Variants in PTPN12 observed in about 807,000 individuals in gnomAD.
PTPN12 encodes protein tyrosine phosphatase non-receptor type 12, also known as tyrosine-protein phosphatase non-receptor type 12.
A neutral mutation model predicts 97.6 loss-of-function variants in PTPN12; 29 were observed. That is an observed-to-expected ratio of 0.30 (90% CI 0.22 to 0.41). The LOEUF (loss-of-function observed/expected upper bound fraction) is 0.41, where lower values mean the gene tolerates loss of function less well. Ranked by LOEUF, PTPN12 falls within the 10% of genes least tolerant of loss-of-function variation. PTPN12 has a pLI of 1.00. For missense variants in PTPN12, 819 were observed against 926.0 expected (o/e 0.88, Z 1.50); for synonymous variants, 327 against 300.4 (o/e 1.09, Z -0.91).
chr7:77,561,074 T>C (rs1807975565), intron 1 of PTPN12, among the ~76,000 whole-genome samples: 1 of 152,136 alleles, frequency 6.6e-6, no homozygotes, highest in Non-Finnish European at 1.5e-5. Context: ...CTGGCTTGTT[T>C]TGTTTTGTTT....
chr7:77,603,317 C>T (rs572858709), intron 8 of PTPN12, among the ~76,000 whole-genome samples: 40 of 152,190 alleles, frequency 2.6e-4, no homozygotes, highest in Non-Finnish European at 3.7e-4. Flanking sequence ...CTAAATTGAC[C>T]GTTAAATATT....
intron 12 of PTPN12, among the ~76,000 whole-genome samples, chr7:77,624,312 G>A (rs1272823091): frequency 6.6e-6 from 1 of 151,936 alleles, no homozygotes; most frequent in East Asian, 1.9e-4. Context: ...ACAGATATAG[G>A]AATATCTTAT....
Position 77,639,898 on chromosome 7 carries a change from T to C in PTPN12, c.*618T>C, listed in dbSNP as rs986363836. On this transcript the variant is annotated 3_prime_UTR_variant, in exon 18 of 18. Coordinates refer to ENST00000248594, the MANE Select transcript of PTPN12 (RefSeq NM_002835.4). ...TCTAATTGTTCATCCTAATTGTTCC[T>C]GTTTTCATCTAGTCAGAGATTCAGT... 11 of 152,682 alleles carry C rather than the reference T, an allele frequency of 7.2e-5. No homozygotes were observed. Among genetic ancestry groups the C allele is most frequent in the African/African-American group, 2.4e-4 (10 of 41,464 alleles). 9.5% of individuals were successfully genotyped at this position (152,682 alleles called of 1,614,324 possible). A position where few individuals can be genotyped will look rare whatever the true frequency, so the allele number is the denominator to read the frequency against.
chr7:77,561,014 CAGAGCACAAG>C (rs1419912930), intron 1 of PTPN12, among the ~76,000 whole-genome samples: 2 of 152,202 alleles, frequency 1.3e-5, no homozygotes, highest in African/African-American at 4.8e-5. Context: ...CATTTCACAA[CAGAGCACAAG>C]GGTTCCAGTT....
At chr7:77,586,234 G>T (rs188440621) in intron 5 of PTPN12, among the ~76,000 whole-genome samples, 270 of 152,256 alleles carry the variant, frequency 1.8e-3, no homozygotes, top group Non-Finnish European at 2.5e-3. Flanking sequence ...GATTATAGAC[G>T]TGAGCCACTG....
At chr7:77,550,965 C>A (rs1011176768) in intron 1 of PTPN12, among the ~76,000 whole-genome samples, 2 of 152,208 alleles carry the variant, frequency 1.3e-5, no homozygotes, top group Admixed American at 6.5e-5. Context: ...TCTTCAGGAT[C>A]ATACTGGTAA....
rs1268417309 is a variant in PTPN12, at chr7:77,625,506, TCTCTCTCTCTCTCTCTCACTCTCA to T, written c.1026-1193_1026-1170del. Among the ~76,000 whole-genome samples, 313 of 109,062 alleles carry T rather than the reference TCTCTCTCTCTCTCTCTCACTCTCA, an allele frequency of 2.9e-3. 11 individuals carry two copies. Among genetic ancestry groups the T allele is most frequent in the Admixed American group, 4.5e-3 (46 of 10,118 alleles). 71.5% of individuals were successfully genotyped at this position (109,062 alleles called of 152,430 possible). A position where few individuals can be genotyped will look rare whatever the true frequency, so the allele number is the denominator to read the frequency against. On this transcript the variant is annotated intron_variant, in intron 12 of 17. Transcript: ENST00000248594. ...CTCTCTCTCTCTCTCTCTCTCTCTC[TCTCTCTCTCTCTCTCTCACTCTCA>T]CTCTCACTCGCGCTCTCTCTCTCGC...
intron 1 of PTPN12, among the ~76,000 whole-genome samples, chr7:77,548,220 T>C (rs935970266): frequency 6.6e-6 from 1 of 152,196 alleles, no homozygotes; most frequent in African/African-American, 2.4e-5. Context: ...AGAAATTACA[T>C]TTAAAAAGCC....
At chr7:77,592,350 T>C in intron 6 of PTPN12, 94 bp downstream of exon 6, 1 of 1,089,514 alleles carries the variant, frequency 9.2e-7, no homozygotes, top group Non-Finnish European at 1.3e-6. Context: ...CCCAGGCTTA[T>C]AGACGCCAAG....
At chr7:77,594,550 C>T (rs1439117844) in intron 6 of PTPN12, among the ~76,000 whole-genome samples, 3 of 152,250 alleles carry the variant, frequency 2.0e-5, no homozygotes, top group African/African-American at 7.2e-5. Context: ...TTTGCCCTGT[C>T]AGCCAGGTTG....
In PTPN12 at chr7:77,604,836, A is replaced by G. The variant is rs79606669; in HGVS notation, c.696-2399A>G. The stretch of plus-strand genomic sequence containing the variant: ...TTATCCACCTGGATTTTTTATGGTT[A>G]AGGTATGTGATCAGAATTTAATTTT... On this transcript the variant is annotated intron_variant, in intron 8 of 17. Coordinates refer to ENST00000248594, the MANE Select transcript of PTPN12 (RefSeq NM_002835.4). 1,932 of 415,560 alleles carry G rather than the reference A, an allele frequency of 4.6e-3. 41 individuals carry two copies. Among genetic ancestry groups the G allele is most frequent in the African/African-American group, 0.036 (1,780 of 49,228 alleles). The allele number at this position is 415,560 out of a possible 1,614,324, so 25.7% of individuals were successfully genotyped here. A position where few individuals can be genotyped will look rare whatever the true frequency, so the allele number is the denominator to read the frequency against.
chr7:77,567,779 T>C (rs909476526), intron 1 of PTPN12, among the ~76,000 whole-genome samples: 2 of 152,338 alleles, frequency 1.3e-5, no homozygotes, highest in South Asian at 2.1e-4. Context: ...AGTAACAACA[T>C]TTAAAGAGTT....
intron 1 of PTPN12, among the ~76,000 whole-genome samples, chr7:77,566,579 C>T (rs1248090147): frequency 1.3e-5 from 2 of 152,140 alleles, no homozygotes; most frequent in African/African-American, 2.4e-5. Context: ...ATTAGCCAGG[C>T]GTGGCGGTGC....
At chr7:77,559,195 CTT>C (rs924881146) in intron 1 of PTPN12, among the ~76,000 whole-genome samples, 4 of 152,192 alleles carry the variant, frequency 2.6e-5, no homozygotes, top group African/African-American at 9.6e-5. Context: ...GTTGTCACAA[CTT>C]ATTTCTGCAG....
rs76583055 is a variant in PTPN12 at position 77,573,110 on chromosome 7, A to C, written c.208+1924A>C. ...AAAAAAAAAAAACAAAAAAACAAAA[A>C]AAACCAGTGTACCTAGCACATAGTA... On this transcript the variant is annotated intron_variant, in intron 2 of 17. Transcript: ENST00000248594. Among the ~76,000 whole-genome samples, 4 of 145,526 alleles carry C rather than the reference A, an allele frequency of 2.7e-5. 1 individual carries two copies. The highest frequency in any genetic ancestry group is 4.5e-5 in the Non-Finnish European group (3 of 66,246).
chr7:77,576,620 C>T (rs1787351076), intron 2 of PTPN12, among the ~76,000 whole-genome samples: 1 of 152,142 alleles, frequency 6.6e-6, no homozygotes, highest in African/African-American at 2.4e-5. Flanking sequence ...TCACTTGAAC[C>T]TGGGAGGCAG....
chr7:77,638,583 CAAAGG>C (rs1562769622), intron 16 of PTPN12, 36 bp from the exon 17 acceptor site: 1 of 1,527,086 alleles, frequency 6.5e-7, no homozygotes, highest in East Asian at 2.4e-5. Flanking sequence ...TATGATGCTA[CAAAGG>C]ATGGTGATTA....
chr7:77,560,298 G>T (rs1299753794), intron 1 of PTPN12, among the ~76,000 whole-genome samples: 1 of 152,172 alleles, frequency 6.6e-6, no homozygotes, highest in Non-Finnish European at 1.5e-5. Context: ...GCAACTAGCT[G>T]TTCTTTTTGA....
chr7:77,568,373 C>T (rs573653050), intron 1 of PTPN12, among the ~76,000 whole-genome samples: 38 of 152,268 alleles, frequency 2.5e-4, no homozygotes, highest in African/African-American at 8.2e-4. Context: ...GTGGCTTACA[C>T]TTGTATTCCC....
Sources: gnomAD v4.1 joint callset for allele counts (sites outside exome capture counted in the v4.1 genomes callset) on GRCh38, gnomAD v4.1.1 for gene constraint, MANE v1.5 for transcripts, NCBI Gene and HGNC (gene_info 2026-07-23, HGNC 2026-07-21) for gene names.